XKR3: variants seen among roughly 807,000 people sequenced by gnomAD.
XKR3 encodes XK related 3.
Under a neutral mutation model 40.3 loss-of-function variants are expected in XKR3, and 27 were observed. That is an observed-to-expected ratio of 0.67 (90% CI 0.49 to 0.92). XKR3 has a LOEUF of 0.92. XKR3 is among the 40% of genes least tolerant of loss of function. XKR3 has a pLI of 0.00. For synonymous variants in XKR3, 193 were observed against 195.4 expected (o/e 0.99, Z 0.10); for missense variants, 472 against 537.6 (o/e 0.88, Z 1.21).
At chr22:16,811,220 TTCAGGCGATTTCCTGCC>T (rs1399565101) in intron 1 of XKR3, among the ~76,000 whole-genome samples, 2 of 151,786 alleles carry the variant, frequency 1.3e-5, no homozygotes, top group Non-Finnish European at 2.9e-5. Flanking sequence ...GCCTCTTGGG[TTCAGGCGATTTCCTGCC>T]TCAGCCTCTC....
rs760695070 is a variant in XKR3 at position 16,784,307 on chromosome 22, G to T, written c.692C>A (p.Pro231Gln). ...CACGACACAGAAGAATTCTATCGGC[G>T]GTAGCTTAATGGTAGTATCATCATT... ...ISNDDTTIKL[P>Q]PIEFFCVVMW... The change falls in exon 4 of 4, where the codon CCG becomes CAG. Residue 231 changes from proline (P) to glutamine (Q), a missense_variant. Transcript: ENST00000684488. 1.2e-6 allele frequency: 2 copies of T among 1,614,148 alleles called. No homozygotes were observed. Among genetic ancestry groups the T allele is most frequent in the Non-Finnish European group, 1.7e-6 (2 of 1,180,018 alleles).
At chr22:16,796,613 G>A (rs1286860326) in intron 3 of XKR3, among the ~76,000 whole-genome samples, 2 of 152,066 alleles carry the variant, frequency 1.3e-5, no homozygotes, top group East Asian at 3.9e-4. Context: ...AACCAAAACA[G>A]AAAAAGGGAT....
At chr22:16,813,276 T>G (rs911313540) in intron 1 of XKR3, among the ~76,000 whole-genome samples, 4 of 151,126 alleles carry the variant, frequency 2.6e-5, no homozygotes, top group African/African-American at 9.8e-5. Flanking sequence ...AGAGGAAGAC[T>G]CTGGCTCAAA....
chr22:16,793,422 A>G (rs1316083048), intron 3 of XKR3, among the ~76,000 whole-genome samples: 1 of 152,250 alleles, frequency 6.6e-6, no homozygotes, highest in Non-Finnish European at 1.5e-5. Context: ...CATTTTAAAT[A>G]ATTTTGCGTA....
At chr22:16,800,078 G>C in intron 2 of XKR3, 54 bp from the exon 3 acceptor site, 3 of 1,565,958 alleles carry the variant, frequency 1.9e-6, no homozygotes, top group Non-Finnish European at 2.6e-6. Flanking sequence ...CAGACATCTA[G>C]AAATATTTGA....
intron 1 of XKR3, among the ~76,000 whole-genome samples, chr22:16,817,751 T>G (rs113701576): frequency 0.025 from 3,738 of 152,232 alleles, 54 homozygotes; most frequent in South Asian, 0.046. Flanking sequence ...CCATTTTTAT[T>G]TTTTTAAAAA....
intron 3 of XKR3, among the ~76,000 whole-genome samples, chr22:16,785,303 C>A (rs1438505599): frequency 1.3e-5 from 2 of 151,648 alleles, no homozygotes; most frequent in East Asian, 3.9e-4. Context: ...GGCGACAGAG[C>A]GAGACTCCAT....
At chr22:16,803,458 T>C (rs1310338301) in intron 2 of XKR3, among the ~76,000 whole-genome samples, 1 of 152,194 alleles carries the variant, frequency 6.6e-6, no homozygotes, top group African/African-American at 2.4e-5. Context: ...GAAAAATGAA[T>C]GTGAAACACA....
At chr22:16,796,507 C>T (rs1243321499) in intron 3 of XKR3, among the ~76,000 whole-genome samples, 12 of 152,162 alleles carry the variant, frequency 7.9e-5, no homozygotes, top group Non-Finnish European at 1.5e-4. Context: ...GCTAGTACAC[C>T]ACAATCACAG....
chr22:16,800,425 A>T (rs1431182303), intron 2 of XKR3, among the ~76,000 whole-genome samples: 1 of 152,338 alleles, frequency 6.6e-6, no homozygotes, highest in Non-Finnish European at 1.5e-5. Flanking sequence ...CTATTCTGAC[A>T]ACTTTTTAAA....
intron 2 of XKR3, among the ~76,000 whole-genome samples, chr22:16,802,513 A>G (rs750908608): frequency 6.6e-6 from 1 of 150,990 alleles, no homozygotes; most frequent in Non-Finnish European, 1.5e-5. Flanking sequence ...TTTTTTTGAG[A>G]CAGAGTTTGC....
At chr22:16,809,067 G>A (rs2060202489) in intron 1 of XKR3, among the ~76,000 whole-genome samples, 1 of 152,060 alleles carries the variant, frequency 6.6e-6, no homozygotes, top group Non-Finnish European at 1.5e-5. Context: ...AAGTGGGAGG[G>A]AAGAAGCAGG....
chr22:16,804,588 A>T (rs2146164335), intron 2 of XKR3, among the ~76,000 whole-genome samples: 1 of 152,296 alleles, frequency 6.6e-6, no homozygotes, highest in African/African-American at 2.4e-5. Flanking sequence ...CACATTTGTC[A>T]TGTATTCTCT....
At chr22:16,821,400 C>G (rs540497128) in intron 1 of XKR3, among the ~76,000 whole-genome samples, 1 of 151,910 alleles carries the variant, frequency 6.6e-6, no homozygotes. Flanking sequence ...AAATCAGGAG[C>G]CTAATTATAA....
chr22:16,811,340 G>T (rs950368047), intron 1 of XKR3, among the ~76,000 whole-genome samples: 11 of 151,996 alleles, frequency 7.2e-5, no homozygotes, highest in African/African-American at 2.7e-4. Context: ...TGGCCAGGCT[G>T]GTCTCGAACT....
chr22:16,816,583 TA>T (rs1218037310), intron 1 of XKR3, among the ~76,000 whole-genome samples: 1 of 151,898 alleles, frequency 6.6e-6, no homozygotes, highest in African/African-American at 2.4e-5. Context: ...TGCTAAAAAA[TA>T]AAAATAATAG....
chr22:16,800,246 C>T lies in XKR3; in HGVS notation c.336-222G>A, dbSNP rs574338532. 1.3e-4 allele frequency among the ~76,000 whole-genome samples: 20 copies of T among 152,250 alleles called. 1 individual carries two copies. In the South Asian group the frequency reaches 3.7e-3, roughly 28 times the overall value. ...ATTTTCAACTTCAAATAATACATAA[C>T]TGCAGTCTGATAAACAAAAATTCAA... On this transcript the variant is annotated intron_variant, in intron 2 of 3. Transcript: ENST00000684488.
At chr22:16,797,725 G>T (rs1357761582) in intron 3 of XKR3, among the ~76,000 whole-genome samples, 7 of 150,924 alleles carry the variant, frequency 4.6e-5, no homozygotes, top group Non-Finnish European at 7.4e-5. Flanking sequence ...CCCAGGAGGC[G>T]GAACTTGCAG....
intron 1 of XKR3, among the ~76,000 whole-genome samples, 189 bp from the exon 2 acceptor site, chr22:16,808,272 A>G (rs536333606): frequency 6.6e-6 from 1 of 152,360 alleles, no homozygotes; most frequent in African/African-American, 2.4e-5. Flanking sequence ...CTAATTTGAC[A>G]TACTATTTCT....
Sources: allele counts gnomAD v4.1 joint callset (sites outside exome capture counted in the v4.1 genomes callset), GRCh38; gene constraint gnomAD v4.1.1; transcripts MANE v1.5; gene names NCBI Gene and HGNC (gene_info 2026-07-23, HGNC 2026-07-21).